DMD: variants seen among roughly 807,000 people sequenced by gnomAD.
The protein encoded by DMD is mutant dystrophin.
A neutral mutation model predicts 330.1 loss-of-function variants in DMD; 63 were observed. That is an observed-to-expected ratio of 0.19 (90% CI 0.16 to 0.24). DMD has a LOEUF of 0.24. Ranked by LOEUF, DMD falls within the 10% of genes least tolerant of loss-of-function variation. The pLI is 1.00. For missense variants in DMD, 3,344 were observed against 2,684.1 expected, an observed-to-expected ratio of 1.25 and a Z score of -5.43; for synonymous variants, 1,223 against 959.8, an observed-to-expected ratio of 1.27 and a Z score of -5.07.
intron 2 of DMD, among the ~76,000 whole-genome samples, chrX:32,977,871 C>A (rs2092599097): frequency 9.0e-6 from 1 of 111,292 alleles, no homozygotes; most frequent in African/African-American, 3.3e-5. Flanking sequence ...TGCTTTAAGT[C>A]TTATTTTATA....
chrX:31,395,952 T>C (rs1486632307), intron 60 of DMD, among the ~76,000 whole-genome samples: 1 of 111,932 alleles, frequency 8.9e-6, no homozygotes, highest in Non-Finnish European at 1.9e-5. Context: ...ACAGAAGATA[T>C]AGCCAGATGA....
intron 51 of DMD, among the ~76,000 whole-genome samples, chrX:31,748,883 C>T (rs1382555327): frequency 1.8e-5 from 2 of 111,421 alleles, no homozygotes; most frequent in Non-Finnish European, 3.8e-5. Context: ...TGGCCCATAT[C>T]CTCCTTTTCC....
chrX:32,873,819 C>T (rs2083180944), intron 2 of DMD, among the ~76,000 whole-genome samples: 1 of 112,210 alleles, frequency 8.9e-6, no homozygotes, highest in Non-Finnish European at 1.9e-5. Context: ...GGAATTTTAT[C>T]TTAGCCTAAG....
chrX:33,179,949 G>C lies in DMD; in HGVS notation c.31+31333C>G, dbSNP rs2049899497. Among the ~76,000 whole-genome samples, 3 of 107,820 alleles carry C rather than the reference G, an allele frequency of 2.8e-5. No individual in the cohort carries two copies. The South Asian group carries it at 1.3e-3, about 45-fold the overall frequency. The allele number at this position is 107,820 out of a possible 115,157, so 93.6% of individuals were successfully genotyped here. A position where few individuals can be genotyped will look rare whatever the true frequency, so the allele number is the denominator to read the frequency against. On this transcript the variant is annotated intron_variant, in intron 1 of 78. Transcript: ENST00000357033. ...TCTCCAGGGTTCAAGCAATTCTCCTGCCTCAGCTTCCTGAGTAGCTGGGAT... is the reference window on the plus strand; with the variant it reads ...TCTCCAGGGTTCAAGCAATTCTCCTCCCTCAGCTTCCTGAGTAGCTGGGAT...
intron 60 of DMD, among the ~76,000 whole-genome samples, chrX:31,424,388 G>C (rs1050542795): frequency 1.8e-5 from 2 of 111,685 alleles, no homozygotes; most frequent in African/African-American, 3.3e-5. Flanking sequence ...GATTGGACAA[G>C]GTTGAGGGGA....
chrX:32,119,586 C>T (rs1351743740), intron 44 of DMD, among the ~76,000 whole-genome samples: 1 of 110,936 alleles, frequency 9.0e-6, no homozygotes, highest in African/African-American at 3.3e-5. Flanking sequence ...GAACACAATG[C>T]CCATATATAA....
At chrX:32,252,804 A>T (rs1371100471) in intron 43 of DMD, among the ~76,000 whole-genome samples, 2 of 68,746 alleles carry the variant, frequency 2.9e-5, no homozygotes, top group Non-Finnish European at 4.8e-5. Context: ...ATATATATAT[A>T]AATATATATA....
At chrX:33,232,226 T>A (rs2052401197) in intron 1 of DMD, among the ~76,000 whole-genome samples, 1 of 111,789 alleles carries the variant, frequency 8.9e-6, no homozygotes, top group Non-Finnish European at 1.9e-5. Context: ...GAAAATGATG[T>A]AAGTCAGAAA....
intron 27 of DMD, among the ~76,000 whole-genome samples, chrX:32,444,363 A>G (rs997777155): frequency 9.7e-6 from 1 of 103,395 alleles, no homozygotes; most frequent in African/African-American, 4.1e-5. Flanking sequence ...TAGCCCAGAG[A>G]AAAAAAAAGA....
intron 44 of DMD, among the ~76,000 whole-genome samples, chrX:32,184,687 A>T (rs748363333): frequency 9.0e-6 from 1 of 111,249 alleles, no homozygotes; most frequent in African/African-American, 3.2e-5. Context: ...CTGTCATGAA[A>T]GTCATTCATG....
In DMD at chrX:31,722,963, GC is replaced by G. The variant is rs778353000; in HGVS notation, c.7660+6667del. On this transcript the variant is annotated intron_variant, in intron 52 of 78. Transcript: ENST00000357033. Reference sequence around the variant, plus strand: ...CTCGGTAGGCTGAGGCAAGAGAATAGCTTGAATCTGGGAGGCGGAGTTGCAG... The same window carrying G: ...CTCGGTAGGCTGAGGCAAGAGAATAGTTGAATCTGGGAGGCGGAGTTGCAG... 9.0e-5 allele frequency among the ~76,000 whole-genome samples: 10 copies of G among 110,564 alleles called. No individual in the cohort carries two copies. The South Asian group carries it at 4.0e-3, about 44-fold the overall frequency.
At chrX:32,521,334 T>C (rs1294069792) in intron 17 of DMD, among the ~76,000 whole-genome samples, 1 of 111,905 alleles carries the variant, frequency 8.9e-6, no homozygotes, top group Admixed American at 9.4e-5. Flanking sequence ...GACCATACTA[T>C]CCGTTTGTAA....
In DMD at chrX:31,774,098, C is replaced by T. The variant is rs1454627836; in HGVS notation, c.7404G>A (p.Glu2468=). Residue 2468 remains glutamate, a synonymous_variant, in exon 51 of 79, where the codon GAG becomes GAA. Coordinates refer to ENST00000357033, the MANE Select transcript of DMD (RefSeq NM_004006.3). Reference sequence around the variant, plus strand: ...GGTTGAAATCTGCCAGAGCAGGTACCTCCAACATCAAGGAAGATGGCATTT... The same window carrying T: ...GGTTGAAATCTGCCAGAGCAGGTACTTCCAACATCAAGGAAGATGGCATTT... ...KLEMPSSLML[E]VPALADFNRA... The T allele has an allele frequency of 3.3e-6, 4 of 1,208,390 alleles. No homozygotes were observed. The African/African-American group carries it at 5.3e-5, about 16-fold the overall frequency.
At chrX:33,002,720 A>G (rs1050832895) in intron 2 of DMD, among the ~76,000 whole-genome samples, 8 of 108,711 alleles carry the variant, frequency 7.4e-5, no homozygotes, top group African/African-American at 2.7e-4. Flanking sequence ...TCTGGTCCTT[A>G]TGTTACTTAG....
chrX:31,323,868 C>T (rs963220779), intron 61 of DMD, among the ~76,000 whole-genome samples: 6 of 108,570 alleles, frequency 5.5e-5, no homozygotes, highest in African/African-American at 1.7e-4. Context: ...AAGATAAATG[C>T]GAAGAAAAAA....
chrX:32,657,311 A>C (rs1016827824), intron 9 of DMD, among the ~76,000 whole-genome samples: 1 of 111,872 alleles, frequency 8.9e-6, no homozygotes, highest in East Asian at 2.8e-4. Flanking sequence ...AGAACAATTT[A>C]ATAACCCAAT....
chrX:32,501,274 G>A (rs902608453), intron 19 of DMD, among the ~76,000 whole-genome samples: 9 of 111,951 alleles, frequency 8.0e-5, no homozygotes, highest in Admixed American at 1.9e-4. Flanking sequence ...TTTTTTAAAT[G>A]AGAGGAAGTG....
At chrX:31,687,662 C>T (rs1450716733) in intron 52 of DMD, among the ~76,000 whole-genome samples, 1 of 111,994 alleles carries the variant, frequency 8.9e-6, no homozygotes, top group Non-Finnish European at 1.9e-5. Flanking sequence ...ATGAGGTAAA[C>T]TGCTAAGGTT....
rs183467506 is a variant in DMD, at chrX:31,577,298, C to G, written c.8217+50375G>C. Among the ~76,000 whole-genome samples the G allele has an allele frequency of 2.1e-3, 236 of 112,401 alleles. 1 individual carries two copies. The highest frequency in any genetic ancestry group is 6.9e-3 in the African/African-American group (213 of 30,989). On this transcript the variant is annotated intron_variant, in intron 55 of 78. Transcript: ENST00000357033. ...TTGTTTTTTGTAAAGTATTACCCGC[C>G]TTTTGATGGCATGTCCTTAATGACT...
Sources: gnomAD v4.1 joint callset for allele counts (sites outside exome capture counted in the v4.1 genomes callset) on GRCh38, gnomAD v4.1.1 for gene constraint, MANE v1.5 for transcripts, NCBI Gene and HGNC (gene_info 2026-07-23, HGNC 2026-07-21) for gene names.